ITPR2: variants seen among roughly 807,000 people sequenced by gnomAD.
The protein encoded by ITPR2 is inositol 1,4,5-trisphosphate receptor type 2.
ITPR2 carries 207 observed loss-of-function variants against 317.1 expected under a neutral mutation model. The observed-to-expected ratio is 0.65, with a 90% CI of 0.58 to 0.73. The LOEUF (loss-of-function observed/expected upper bound fraction) is 0.73. ITPR2 is among the 30% of genes least tolerant of loss of function. ITPR2 has a pLI of 0.00. For synonymous variants in ITPR2, 1,156 were observed against 1,149.1 expected (o/e 1.01, Z -0.12); for missense variants, 2,613 against 3,284.0 (o/e 0.80, Z 4.99).
chr12:26,796,117 G>A (rs4964016), intron 1 of ITPR2, among the ~76,000 whole-genome samples: 2 of 151,976 alleles, frequency 1.3e-5, no homozygotes, highest in Non-Finnish European at 2.9e-5. Flanking sequence ...TTGCACAAGA[G>A]AACAGCCTGT....
intron 45 of ITPR2, among the ~76,000 whole-genome samples, chr12:26,465,477 A>C (rs1942148983): frequency 1.3e-5 from 2 of 152,230 alleles, no homozygotes; most frequent in African/African-American, 4.8e-5. Flanking sequence ...TTGCTATAAA[A>C]GACAGCAAGT....
intron 26 of ITPR2, among the ~76,000 whole-genome samples, chr12:26,618,675 G>T (rs371084956): frequency 1.6e-4 from 24 of 152,328 alleles, no homozygotes; most frequent in East Asian, 1.3e-3. Flanking sequence ...CCAAACATGT[G>T]CACCAGGTGA....
chr12:26,501,246 T>C (rs1943064405), intron 37 of ITPR2, among the ~76,000 whole-genome samples: 1 of 152,214 alleles, frequency 6.6e-6, no homozygotes, highest in Non-Finnish European at 1.5e-5. Context: ...TGTAACCTTT[T>C]GGCTTAGTAA....
At chr12:26,379,743 T>A (rs1939449149) in intron 55 of ITPR2, among the ~76,000 whole-genome samples, 1 of 152,200 alleles carries the variant, frequency 6.6e-6, no homozygotes, top group Non-Finnish European at 1.5e-5. Flanking sequence ...GGCTTCTATT[T>A]TGAGTTCTAA....
intron 35 of ITPR2, among the ~76,000 whole-genome samples, chr12:26,560,634 C>T (rs1156832445): frequency 6.6e-6 from 1 of 152,166 alleles, no homozygotes; most frequent in African/African-American, 2.4e-5. Context: ...CACCACCTGG[C>T]TTAGACCTTA....
At chr12:26,745,536 C>G (rs1013161356) in intron 2 of ITPR2, among the ~76,000 whole-genome samples, 2 of 152,174 alleles carry the variant, frequency 1.3e-5, no homozygotes, top group African/African-American at 4.8e-5. Flanking sequence ...TGAAGAAGCA[C>G]GCTTGAACTC....
In ITPR2 at chr12:26,600,001, A is replaced by G. The variant is rs1421583133; in HGVS notation, c.3787T>C (p.Phe1263Leu). The change falls in exon 29 of 57, where the codon TTT becomes CTT. Residue 1263 changes from phenylalanine to leucine, a missense_variant. By Grantham distance (22) the Phe-to-Leu change is conservative. Around this residue, in one of 9 missense-constraint regions of ITPR2, gnomAD observed 817 missense variants for 897.6 expected, o/e 0.91. Transcript: ENST00000381340. ...AAAATACTTACACCTGGAGTTAAAA[A>G]CAAATTCAGATGTTTATGAAGAAGA... ...QVLLHKHLNL[F>L]LTPGLLEAET... 8 of 1,605,308 alleles carry G rather than the reference A, an allele frequency of 5.0e-6. No individual in the cohort carries two copies. Among genetic ancestry groups the G allele is most frequent in the Non-Finnish European group, 6.8e-6 (8 of 1,172,722 alleles).
chr12:26,657,691 G>A lies in ITPR2; in HGVS notation c.2192+16C>T, dbSNP rs1365532228. On this transcript the variant is annotated intron_variant, in intron 18 of 56. Coordinates refer to ENST00000381340, the MANE Select transcript of ITPR2 (RefSeq NM_002223.4). ...TGAGACTGGGAATTATTGTAAGATT[G>A]TCTATAATACTTAACCTGTAATAGG... 2 of 1,604,550 alleles carry A rather than the reference G, an allele frequency of 1.2e-6. No homozygotes were observed. Among genetic ancestry groups the A allele is most frequent in the Non-Finnish European group, 1.7e-6 (2 of 1,172,198 alleles).
intron 32 of ITPR2, among the ~76,000 whole-genome samples, chr12:26,589,809 A>AT (rs1169691152): frequency 5.1e-5 from 2 of 39,378 alleles, no homozygotes; most frequent in African/African-American, 1.4e-4. Context: ...AAATAAATAA[A>AT]AAATAAATAA....
intron 37 of ITPR2, among the ~76,000 whole-genome samples, chr12:26,531,473 T>G (rs1351625634): frequency 6.6e-6 from 1 of 152,212 alleles, no homozygotes; most frequent in Non-Finnish European, 1.5e-5. Context: ...GCTCCTTGAT[T>G]TTTTCATTCG....
intron 32 of ITPR2, among the ~76,000 whole-genome samples, chr12:26,593,701 C>T (rs930074775): frequency 6.7e-6 from 1 of 150,248 alleles, no homozygotes; most frequent in Non-Finnish European, 1.5e-5. Context: ...ATTAATTATC[C>T]AATTAAGCAA....
chr12:26,725,784 C>A lies in ITPR2; in HGVS notation c.164-19G>T. On this transcript the variant is annotated intron_variant, in intron 2 of 56. Transcript: ENST00000381340. ...AGGCAGTCTGTGACAAACCAACATA[C>A]AAAAACACTGTAACTAAGGCTACTA... is the stretch of plus-strand genomic sequence containing the variant. 1 of 1,492,974 alleles carries A rather than the reference C, an allele frequency of 6.7e-7. No homozygotes were observed. Among genetic ancestry groups the A allele is most frequent in the Admixed American group, 1.7e-5 (1 of 59,542 alleles). 92.5% of individuals were successfully genotyped at this position (1,492,974 alleles called of 1,614,324 possible). A position where few individuals can be genotyped will look rare whatever the true frequency, so the allele number is the denominator to read the frequency against.
At chr12:26,453,294 G>A (rs546868227) in intron 45 of ITPR2, among the ~76,000 whole-genome samples, 2 of 152,212 alleles carry the variant, frequency 1.3e-5, no homozygotes, top group South Asian at 2.1e-4. Context: ...TTTTCTGAGC[G>A]ACTAAAATGA....
intron 21 of ITPR2, among the ~76,000 whole-genome samples, chr12:26,636,358 CT>C (rs1946866111): frequency 6.6e-6 from 1 of 152,200 alleles, no homozygotes; most frequent in Non-Finnish European, 1.5e-5. Context: ...TGCAGTCCCC[CT>C]CTCCAACAAC....
At chr12:26,373,376 T>A (rs1939243635) in intron 55 of ITPR2, among the ~76,000 whole-genome samples, 2 of 152,204 alleles carry the variant, frequency 1.3e-5, no homozygotes, top group African/African-American at 4.8e-5. Context: ...ACCCAGGGCC[T>A]TTATATCACA....
intron 37 of ITPR2, among the ~76,000 whole-genome samples, chr12:26,501,309 G>A (rs1943067048): frequency 6.6e-6 from 1 of 152,124 alleles, no homozygotes; most frequent in Admixed American, 6.5e-5. Flanking sequence ...GGGTAAAAAG[G>A]TACATTTCTC....
At chr12:26,544,130 C>G (rs1391044086) in intron 37 of ITPR2, among the ~76,000 whole-genome samples, 1 of 152,046 alleles carries the variant, frequency 6.6e-6, no homozygotes, top group African/African-American at 2.4e-5. Flanking sequence ...GCTTAACTAA[C>G]TATATGATCC....
intron 18 of ITPR2, 26 bp downstream of exon 18, chr12:26,657,681 T>C (rs1457819327): frequency 1.3e-6 from 2 of 1,593,620 alleles, no homozygotes; most frequent in Non-Finnish European, 1.7e-6. Flanking sequence ...CTGGGAATTA[T>C]TGTAAGATTG....
At chr12:26,674,730 A>G (rs1164158789) in intron 13 of ITPR2, among the ~76,000 whole-genome samples, 1 of 152,252 alleles carries the variant, frequency 6.6e-6, no homozygotes, top group Non-Finnish European at 1.5e-5. Context: ...TCTGCACAAC[A>G]AAAGAAACTA....
Sources: allele counts gnomAD v4.1 joint callset (sites outside exome capture counted in the v4.1 genomes callset), GRCh38; gene constraint gnomAD v4.1.1; regional missense constraint gnomAD v4.1.1; transcripts MANE v1.5; gene names NCBI Gene and HGNC (gene_info 2026-07-23, HGNC 2026-07-21).